The following NTRK1 variants were observed in gnomAD, a reference collection of about 807,000 sequenced individuals.
NTRK1 encodes neurotrophic receptor tyrosine kinase 1.
In NTRK1, 62 loss-of-function variants were observed where a neutral mutation model predicts 86.8. The observed-to-expected ratio is 0.71, with a 90% confidence interval of 0.58 to 0.88. NTRK1 has a LOEUF of 0.88. Among genes scored for constraint, NTRK1 ranks in the 40% least tolerant of loss-of-function variants. The pLI, the probability that NTRK1 is intolerant of heterozygous loss-of-function variation, is 0.00. For synonymous variants in NTRK1, 469 were observed against 456.6 expected, an observed-to-expected ratio of 1.03 and a Z score of -0.35; for missense variants, 967 against 1,078.4, an observed-to-expected ratio of 0.90 and a Z score of 1.45.
At chr1:156,877,987 A>T (rs56115265) in intron 14 of NTRK1, among the ~76,000 whole-genome samples, 48 of 152,342 alleles carry the variant, frequency 3.2e-4, no homozygotes, top group Non-Finnish European at 5.6e-4. Context: ...GCTCCCAGAC[A>T]TGGCATAGGC....
At position 156,854,509 on chromosome 1, in the gene NTRK1, CA is replaced by C. The variant is rs1655343377; in HGVS notation, c.51-9840del. Among the ~76,000 whole-genome samples the C allele has an allele frequency of 6.7e-6, 1 of 149,738 alleles. No individual in the cohort carries two copies. Among genetic ancestry groups the C allele is most frequent in the Non-Finnish European group, 1.5e-5 (1 of 67,516 alleles). Reference sequence around the variant, plus strand: ...GTCTCTACCAGATGAGCCACACAGGCAAAAATGAACTCCTGATCCTCTCTCC... The same window carrying C: ...GTCTCTACCAGATGAGCCACACAGGCAAAATGAACTCCTGATCCTCTCTCC... On this transcript the variant is annotated intron_variant, in intron 2 of 16. Transcript: ENST00000392302. The surrounding 1 kb of genome is among the most constrained non-coding windows in gnomAD (Gnocchi z 4.2).
At chr1:156,822,265 T>G (rs560260308) in intron 1 of NTRK1, among the ~76,000 whole-genome samples, 3 of 152,300 alleles carry the variant, frequency 2.0e-5, no homozygotes, top group Admixed American at 1.3e-4. Context: ...TACTTATTCC[T>G]TAAGAAGGGA....
upstream of NTRK1, chr1:156,858,536 C>T (rs767001717): frequency 6.8e-6 from 11 of 1,612,552 alleles, no homozygotes; most frequent in Middle Eastern, 1.6e-4. Flanking sequence ...TGGGGACTCA[C>T]CCTCTACTGT....
At chr1:156,875,729 G>GTA (rs1647865579) in intron 12 of NTRK1, 63 bp downstream of exon 12, 1 of 1,586,860 alleles carries the variant, frequency 6.3e-7, no homozygotes, top group Non-Finnish European at 8.6e-7. Context: ...GTGTGTGTGT[G>GTA]TGTGTGTAGA....
At chr1:156,851,439 G>C in intron 2 of NTRK1, 1 of 1,614,152 alleles carries the variant, frequency 6.2e-7, no homozygotes, top group African/African-American at 1.3e-5. Context: ...GGTTGTCTAG[G>C]GATGGGAAGA....
Position 156,879,349 on chromosome 1 carries a change from C to T in NTRK1, c.2033C>T (p.Thr678Ile), listed in dbSNP as rs1419179271. The T allele has an allele frequency of 1.9e-6, 3 of 1,604,602 alleles. No individual in the cohort carries two copies. The highest frequency in any genetic ancestry group is 2.5e-6 in the Non-Finnish European group (3 of 1,178,562). Residue 678 changes from threonine (T) to isoleucine (I), a missense_variant, in exon 15 of 17, where the codon ACC becomes ATC. Thr to Ile is a moderately conservative substitution (Grantham distance 89, BLOSUM62 -1). Transcript: ENST00000524377. ...GGCATGAGCAGGGATATCTACAGCA[C>T]CGACTATTACCGTGTAAGGGTCCTT... Reference protein sequence around the residue: ...DFGMSRDIYSTDYYRVGGRTM... With the variant: ...DFGMSRDIYSIDYYRVGGRTM...
intron 2 of NTRK1, chr1:156,845,184 G>C: frequency 5.0e-6 from 8 of 1,610,446 alleles, no homozygotes; most frequent in Non-Finnish European, 6.8e-6. Context: ...AAGTGGCGCA[G>C]GCCGCTCAGC....
upstream of NTRK1, chr1:156,858,646 G>C: frequency 6.2e-7 from 1 of 1,601,992 alleles, no homozygotes; most frequent in Non-Finnish European, 8.6e-7. Flanking sequence ...CTTGTGTCCA[G>C]TCCCGGCTCT....
upstream of NTRK1, chr1:156,858,567 A>T (rs1251629766): frequency 1.2e-6 from 2 of 1,613,904 alleles, no homozygotes; most frequent in Admixed American, 1.7e-5. Flanking sequence ...AATCCCAAGG[A>T]GAGGAAGATC....
chr1:156,856,517 A>C (rs531982090), upstream of NTRK1, among the ~76,000 whole-genome samples: 43 of 152,206 alleles, frequency 2.8e-4, no homozygotes, highest in Non-Finnish European at 5.3e-4. Flanking sequence ...CAGCCTCAGA[A>C]GGGTCCTTCA....
intron 1 of NTRK1, among the ~76,000 whole-genome samples, chr1:156,822,340 T>C (rs1654211219): frequency 1.3e-5 from 2 of 152,214 alleles, no homozygotes; most frequent in South Asian, 2.1e-4. Flanking sequence ...TTTCTCTCGA[T>C]TGAAGCCAGG....
At chr1:156,849,141 T>C in intron 2 of NTRK1, 1 of 1,598,734 alleles carries the variant, frequency 6.3e-7, no homozygotes, top group Non-Finnish European at 8.5e-7. Flanking sequence ...GTGAGACCTC[T>C]GAGGAGAACT....
chr1:156,845,014 C>T, intron 2 of NTRK1: 6 of 1,550,908 alleles, frequency 3.9e-6, no homozygotes, highest in East Asian at 4.7e-5. Context: ...AAACCCCAAA[C>T]CTTTGCACAG....
chr1:156,871,645 T>C lies in NTRK1; in HGVS notation c.740T>C (p.Leu247Pro), dbSNP rs1265775208. ...TVMKSGGLPSLGLTLANVTSD... is the reference protein window; with the variant it reads ...TVMKSGGLPSPGLTLANVTSD... The stretch of plus-strand genomic sequence containing the variant: ...TAGAAATCTGGGGGTCTGCCATCCC[T>C]GGGGCTGACCCTGGCCAATGTCACC... Residue 247 changes from leucine to proline, a missense_variant, in exon 7 of 17, where the codon CTG (leucine) becomes CCG (proline). Physicochemically the swap from Leu to Pro is moderately conservative, Grantham distance 98. Transcript: ENST00000524377. The C allele has an allele frequency of 1.2e-6, 2 of 1,614,034 alleles. No homozygotes were observed. The highest frequency in any genetic ancestry group is 8.5e-7 in the Non-Finnish European group (1 of 1,180,032).
chr1:156,853,988 AC>A, intron 2 of NTRK1: 1 of 1,613,588 alleles, frequency 6.2e-7, no homozygotes, highest in Non-Finnish European at 8.5e-7. Flanking sequence ...CCCACGCAGC[AC>A]GGCCCCAAGT....
chr1:156,822,791 C>T (rs1409961910), intron 1 of NTRK1, among the ~76,000 whole-genome samples: 1 of 148,986 alleles, frequency 6.7e-6, no homozygotes, highest in East Asian at 2.0e-4. Context: ...GTGTAGATCC[C>T]TAGTTGCCCT....
At chr1:156,850,912 G>T (rs1003899070) in intron 2 of NTRK1, among the ~76,000 whole-genome samples, 3 of 152,194 alleles carry the variant, frequency 2.0e-5, no homozygotes, top group African/African-American at 7.2e-5. Context: ...TTGACTGGCA[G>T]ATGATAGGAA....
intron 2 of NTRK1, chr1:156,842,273 T>C (rs1031996312): frequency 6.2e-7 from 1 of 1,613,800 alleles, no homozygotes; most frequent in African/African-American, 1.3e-5. Flanking sequence ...AGGGTTGTTC[T>C]AGAGCCAAGA....
intron 1 of NTRK1, among the ~76,000 whole-genome samples, chr1:156,822,512 T>G (rs1313520771): frequency 6.7e-6 from 1 of 149,948 alleles, no homozygotes; most frequent in East Asian, 2.0e-4. Context: ...CAGTGAGCTG[T>G]GATCCCACCA....
Sources: gnomAD v4.1 joint callset for allele counts (sites outside exome capture counted in the v4.1 genomes callset) on GRCh38, gnomAD v4.1.1 for gene constraint, Gnocchi (gnomAD v3.1) non-coding constraint, MANE v1.5 for transcripts, NCBI Gene and HGNC (gene_info 2026-07-23, HGNC 2026-07-21) for gene names.